Variants in CCDC73 observed in about 807,000 individuals in gnomAD.
The protein encoded by CCDC73 is coiled-coil domain-containing protein 73.
A neutral mutation model predicts 116.5 loss-of-function variants in CCDC73; 95 were observed. The ratio of observed to expected loss-of-function variants is 0.82; its 90% CI spans 0.69 to 0.97. CCDC73 has a LOEUF of 0.97. Ranked by LOEUF, CCDC73 falls within the 50% of genes least tolerant of loss-of-function variation. The pLI is 0.00. For missense variants in CCDC73, 1,066 were observed against 1,206.8 expected, an observed-to-expected ratio of 0.88 and a Z score of 1.73; for synonymous variants, 398 against 401.3, an observed-to-expected ratio of 0.99 and a Z score of 0.10.
chr11:32,654,860 T>C lies in CCDC73; in HGVS notation c.758A>G (p.Gln253Arg). 6.4e-7 allele frequency: 1 copy of C among 1,559,046 alleles called. No homozygotes were observed. The highest frequency in any genetic ancestry group is 1.4e-5 in the African/African-American group (1 of 72,616). Residue 253 changes from glutamine (Q) to arginine (R), a missense_variant, in exon 10 of 18, where the codon CAA (glutamine) becomes CGA (arginine). Coordinates refer to ENST00000335185, the MANE Select transcript of CCDC73 (RefSeq NM_001008391.4). ...ATAAAATACCATGTTGAGTCTTTCTTGAAGTTCTTGAAATTTTTGTTCTTT... is the reference window on the plus strand; with the variant it reads ...ATAAAATACCATGTTGAGTCTTTCTCGAAGTTCTTGAAATTTTTGTTCTTT... ...TIKEQKFQEL[Q>R]ERLNMELELN...
At position 32,608,450 on chromosome 11, in the gene CCDC73, G is replaced by A. The variant is rs571641930; in HGVS notation, c.3030+2682C>T. On this transcript the variant is annotated intron_variant, in intron 17 of 17. Transcript: ENST00000335185. ...AGCATGGCTGCCAGGTCACGCTAAT[G>A]CAAGAGGTGGGTTCTTATGGCCTTG... Among the ~76,000 whole-genome samples, 5 of 152,334 alleles carry A rather than the reference G, an allele frequency of 3.3e-5. 1 individual carries two copies. In the South Asian group the frequency reaches 1.0e-3, roughly 32 times the overall value.
chr11:32,744,498 T>C (rs545050948), intron 2 of CCDC73, among the ~76,000 whole-genome samples: 1 of 152,342 alleles, frequency 6.6e-6, no homozygotes, highest in South Asian at 2.1e-4. Context: ...AGCTCCTCTT[T>C]GTACCTCTGG....
intron 2 of CCDC73, among the ~76,000 whole-genome samples, chr11:32,726,640 C>A (rs79548854): frequency 0.049 from 7,446 of 152,116 alleles, 199 homozygotes; most frequent in African/African-American, 0.068. Flanking sequence ...AAAACACATT[C>A]TTTTCAAATT....
intron 1 of CCDC73, among the ~76,000 whole-genome samples, chr11:32,793,541 A>G (rs1486983249): frequency 6.6e-6 from 1 of 152,208 alleles, no homozygotes; most frequent in East Asian, 1.9e-4. Context: ...TAAATGACTT[A>G]AGGGTTGTCA....
At chr11:32,738,576 G>A (rs1850156296) in intron 2 of CCDC73, among the ~76,000 whole-genome samples, 1 of 152,028 alleles carries the variant, frequency 6.6e-6, no homozygotes, top group Non-Finnish European at 1.5e-5. Context: ...AGATGTTTGA[G>A]CTCTTTATGT....
intron 1 of CCDC73, among the ~76,000 whole-genome samples, chr11:32,770,494 G>A (rs1400428356): frequency 6.6e-6 from 1 of 152,076 alleles, no homozygotes; most frequent in Non-Finnish European, 1.5e-5. Context: ...ATAATTACCA[G>A]GTAAGAGAGG....
At chr11:32,780,370 GA>G (rs539930769) in intron 1 of CCDC73, among the ~76,000 whole-genome samples, 1 of 151,430 alleles carries the variant, frequency 6.6e-6, no homozygotes, top group African/African-American at 2.4e-5. Flanking sequence ...CTAGTAAAAA[GA>G]AAAAAAATTG....
At chr11:32,766,108 C>T (rs1387380971) in intron 1 of CCDC73, among the ~76,000 whole-genome samples, 1 of 152,170 alleles carries the variant, frequency 6.6e-6, no homozygotes, top group East Asian at 1.9e-4. Flanking sequence ...ACTTATCCAC[C>T]ATGATCAAGT....
chr11:32,668,302 C>T (rs1856006482), intron 9 of CCDC73, among the ~76,000 whole-genome samples: 2 of 152,014 alleles, frequency 1.3e-5, no homozygotes, highest in East Asian at 1.9e-4. Context: ...TATCTCATAG[C>T]CGGTAACAAT....
the CCDC73 span, among the ~76,000 whole-genome samples, chr11:32,816,068 T>G: frequency 6.6e-6 from 1 of 152,186 alleles, no homozygotes; most frequent in East Asian, 1.9e-4. Flanking sequence ...TTAGTAACTT[T>G]TCAGATGGTA....
At chr11:32,787,806 TA>T (rs1367988466) in intron 1 of CCDC73, among the ~76,000 whole-genome samples, 1 of 152,166 alleles carries the variant, frequency 6.6e-6, no homozygotes, top group Non-Finnish European at 1.5e-5. Context: ...AAATATGATC[TA>T]AAAACATATA....
In CCDC73 at chr11:32,611,155, C is replaced by A; in HGVS notation, c.3007G>T (p.Asp1003Tyr). The A allele has an allele frequency of 6.2e-7, 1 of 1,613,824 alleles. No individual in the cohort carries two copies. Among genetic ancestry groups the A allele is most frequent in the East Asian group, 2.2e-5 (1 of 44,842 alleles). The change falls in exon 17 of 18, where the codon GAT (aspartate) becomes TAT (tyrosine). Residue 1003 changes from aspartate (D) to tyrosine (Y), a missense_variant. Asp to Tyr is a radical substitution (Grantham distance 160). Coordinates refer to ENST00000335185, the MANE Select transcript of CCDC73 (RefSeq NM_001008391.4). ...ACATGTTCTGTGGGAAAAGAGGAAT[C>A]ATAAAAAGTCTTTGCCATTGCATTC... ...EKNAMAKTFY[D>Y]SSFPTEHVKT... is the part of the protein sequence containing the mutation.
At chr11:32,609,630 A>G (rs796875359) in intron 17 of CCDC73, among the ~76,000 whole-genome samples, 13 of 152,212 alleles carry the variant, frequency 8.5e-5, no homozygotes, top group African/African-American at 2.4e-4. Flanking sequence ...CTTTTCAGCA[A>G]CACTCTGCTC....
intron 17 of CCDC73, chr11:32,603,355 T>G (rs1416403039): frequency 5.1e-6 from 1 of 194,922 alleles, no homozygotes; most frequent in Non-Finnish European, 1.0e-5. Flanking sequence ...GACACTGTAT[T>G]GGGTAATTTT....
At chr11:32,648,414 C>T (rs1308131687) in intron 12 of CCDC73, among the ~76,000 whole-genome samples, 2 of 152,156 alleles carry the variant, frequency 1.3e-5, no homozygotes, top group Non-Finnish European at 2.9e-5. Flanking sequence ...AATATCTAAA[C>T]TTAGAAAGAC....
intron 6 of CCDC73, among the ~76,000 whole-genome samples, chr11:32,688,822 TA>T (rs934871198): frequency 6.6e-5 from 10 of 151,766 alleles, no homozygotes; most frequent in Admixed American, 2.6e-4. Context: ...ATAGCATCAA[TA>T]AAAAAAAGTT....
intron 17 of CCDC73, among the ~76,000 whole-genome samples, chr11:32,608,287 A>C (rs1590539999): frequency 6.6e-6 from 1 of 152,204 alleles, no homozygotes; most frequent in East Asian, 1.9e-4. Context: ...CCTATAAGCC[A>C]GTAAAATCAA....
intron 1 of CCDC73, among the ~76,000 whole-genome samples, chr11:32,767,657 CA>C (rs1850455153): frequency 6.6e-6 from 1 of 152,148 alleles, no homozygotes; most frequent in South Asian, 2.1e-4. Context: ...ATAAAGTGGG[CA>C]AAGGATATGA....
intron 1 of CCDC73, among the ~76,000 whole-genome samples, chr11:32,766,316 T>G (rs1284124983): frequency 2.0e-5 from 3 of 152,134 alleles, no homozygotes; most frequent in Non-Finnish European, 1.5e-5. Flanking sequence ...CTCAAAATAA[T>G]AAGAGCTATT....
Sources: gnomAD v4.1 joint callset for allele counts (sites outside exome capture counted in the v4.1 genomes callset) on GRCh38, gnomAD v4.1.1 for gene constraint, MANE v1.5 for transcripts, NCBI Gene and HGNC (gene_info 2026-07-23, HGNC 2026-07-21) for gene names.